Variants in DEPDC1B observed in about 807,000 individuals in gnomAD.
The protein encoded by DEPDC1B is DEP domain containing 1B, also known as DEP domain-containing protein 1B.
In DEPDC1B, 51 loss-of-function variants were observed where a neutral mutation model predicts 66.5. The observed-to-expected ratio is 0.77, with a 90% CI of 0.61 to 0.97. DEPDC1B has a LOEUF of 0.97. DEPDC1B is among the 50% of genes least tolerant of loss of function. The pLI is 0.00. For missense variants in DEPDC1B, 552 were observed against 637.1 expected (o/e 0.87, Z 1.44); for synonymous variants, 226 against 223.6 (o/e 1.01, Z -0.10).
chr5:60,637,498 C>G (rs1264974626), intron 7 of DEPDC1B, among the ~76,000 whole-genome samples: 1 of 152,226 alleles, frequency 6.6e-6, no homozygotes, highest in Non-Finnish European at 1.5e-5. Flanking sequence ...AATTAAACCT[C>G]TTTTCTTTAT....
chr5:60,598,934 T>A, intron 10 of DEPDC1B, 141 bp downstream of exon 10: 6 of 656,100 alleles, frequency 9.1e-6, no homozygotes, highest in Non-Finnish European at 1.4e-5. Flanking sequence ...TCAGTGAGAC[T>A]TCTAGAATGT....
intron 2 of DEPDC1B, among the ~76,000 whole-genome samples, chr5:60,682,116 A>C (rs1020126075): frequency 6.6e-6 from 1 of 152,142 alleles, no homozygotes; most frequent in Non-Finnish European, 1.5e-5. Context: ...AACCAACCCA[A>C]ATGTCCAACA....
At chr5:60,683,437 G>A (rs546884524) in intron 2 of DEPDC1B, among the ~76,000 whole-genome samples, 1 of 151,920 alleles carries the variant, frequency 6.6e-6, no homozygotes, top group African/African-American at 2.4e-5. Flanking sequence ...GTCTCAAAAA[G>A]AAAGAGAGAA....
intron 7 of DEPDC1B, among the ~76,000 whole-genome samples, chr5:60,629,947 C>T (rs1752887058): frequency 6.6e-6 from 1 of 152,212 alleles, no homozygotes. Context: ...TTCCAACTCA[C>T]TTTATTGGCA....
At chr5:60,653,563 TC>T (rs1481931629) in intron 2 of DEPDC1B, among the ~76,000 whole-genome samples, 2 of 152,180 alleles carry the variant, frequency 1.3e-5, no homozygotes, top group Non-Finnish European at 2.9e-5. Context: ...ATTTGTTTAC[TC>T]TGCTGATTAT....
intron 2 of DEPDC1B, among the ~76,000 whole-genome samples, chr5:60,672,162 C>T (rs944760623): frequency 1.3e-5 from 2 of 152,162 alleles, no homozygotes; most frequent in African/African-American, 4.8e-5. Flanking sequence ...CACTTATTTG[C>T]TTGTTGTATA....
chr5:60,658,519 C>A (rs970917234), intron 2 of DEPDC1B, among the ~76,000 whole-genome samples: 1 of 152,166 alleles, frequency 6.6e-6, no homozygotes, highest in Non-Finnish European at 1.5e-5. Flanking sequence ...AGCTGGATTT[C>A]CTAGGCCGAC....
intron 7 of DEPDC1B, among the ~76,000 whole-genome samples, chr5:60,620,366 G>C (rs1752673315): frequency 6.6e-6 from 1 of 151,964 alleles, no homozygotes; most frequent in South Asian, 2.1e-4. Context: ...TACAGGATGG[G>C]AGAAAATTTT....
chr5:60,667,913 A>AT (rs1443338175), intron 2 of DEPDC1B, among the ~76,000 whole-genome samples: 1 of 90,542 alleles, frequency 1.1e-5, no homozygotes, highest in Non-Finnish European at 2.3e-5. Flanking sequence ...TTATATATAT[A>AT]AAAAATGGAT....
intron 8 of DEPDC1B, among the ~76,000 whole-genome samples, 198 bp from the exon 9 acceptor site, chr5:60,603,765 A>C (rs531084694): frequency 2.6e-5 from 4 of 151,944 alleles, no homozygotes; most frequent in African/African-American, 9.7e-5. Context: ...CTGTTAAGAG[A>C]CTGCAGAGAG....
At chr5:60,662,808 G>A (rs920124259) in intron 2 of DEPDC1B, among the ~76,000 whole-genome samples, 4 of 152,100 alleles carry the variant, frequency 2.6e-5, no homozygotes, top group Non-Finnish European at 4.4e-5. Context: ...ACAAGTGCCA[G>A]CCCATGCCAT....
intron 2 of DEPDC1B, among the ~76,000 whole-genome samples, chr5:60,651,318 A>G (rs995297112): frequency 1.3e-5 from 2 of 152,168 alleles, no homozygotes; most frequent in Admixed American, 6.6e-5. Flanking sequence ...GTCTGAGGTC[A>G]GGAATTCGAG....
At chr5:60,609,672 C>T (rs1324689014) in intron 7 of DEPDC1B, among the ~76,000 whole-genome samples, 1 of 152,268 alleles carries the variant, frequency 6.6e-6, no homozygotes, top group East Asian at 1.9e-4. Context: ...ATTTGAACCA[C>T]AGTTGAGCTA....
intron 2 of DEPDC1B, among the ~76,000 whole-genome samples, chr5:60,657,726 C>T (rs1753610299): frequency 6.6e-6 from 1 of 152,150 alleles, no homozygotes; most frequent in South Asian, 2.1e-4. Flanking sequence ...CTTAAGATTC[C>T]TTCCTTCATC....
intron 2 of DEPDC1B, among the ~76,000 whole-genome samples, chr5:60,679,685 AC>A (rs1380446533): frequency 6.6e-6 from 1 of 152,190 alleles, no homozygotes; most frequent in African/African-American, 2.4e-5. Flanking sequence ...TCCCAGTTCA[AC>A]CACCCACCAG....
At chr5:60,664,659 A>G (rs1050209147) in intron 2 of DEPDC1B, among the ~76,000 whole-genome samples, 1 of 152,206 alleles carries the variant, frequency 6.6e-6, no homozygotes, top group Non-Finnish European at 1.5e-5. Flanking sequence ...TCCTTTGTAG[A>G]AAAAGGACTT....
chr5:60,600,242 G>T (rs1464547596), intron 9 of DEPDC1B, among the ~76,000 whole-genome samples: 1 of 152,060 alleles, frequency 6.6e-6, no homozygotes, highest in African/African-American at 2.4e-5. Context: ...AACAACAAAG[G>T]TGCAGACATT....
At chr5:60,645,467 T>G in intron 4 of DEPDC1B, 25 bp downstream of exon 4, 2 of 1,555,514 alleles carry the variant, frequency 1.3e-6, no homozygotes, top group African/African-American at 2.8e-5. Context: ...CTCTAAAATT[T>G]CTCATTAATA....
intron 7 of DEPDC1B, chr5:60,630,371 C>G (rs1052181443): frequency 6.6e-6 from 1 of 152,220 alleles, no homozygotes; most frequent in African/African-American, 2.4e-5. Flanking sequence ...AACGGAGCAG[C>G]CCAAGCCAGT....
Sources: gnomAD v4.1 joint callset for allele counts (sites outside exome capture counted in the v4.1 genomes callset) on GRCh38, gnomAD v4.1.1 for gene constraint, MANE v1.5 for transcripts, NCBI Gene and HGNC (gene_info 2026-07-23, HGNC 2026-07-21) for gene names.